AGBL1: variants seen among roughly 807,000 people sequenced by gnomAD.
AGBL1 encodes AGBL carboxypeptidase 1.
A neutral mutation model predicts 118.9 loss-of-function variants in AGBL1; 130 were observed. The observed-to-expected ratio is 1.09, with a 90% CI of 0.95 to 1.26. AGBL1 has a LOEUF of 1.26. Among genes scored for constraint, AGBL1 ranks in the 50% most tolerant of loss-of-function variants. The probability of loss-of-function intolerance (pLI) is 0.00; values close to 1 mark genes in which losing one functional copy is unlikely to be tolerated. For synonymous variants in AGBL1, 555 were observed against 478.9 expected (o/e 1.16, Z -2.08); for missense variants, 1,584 against 1,298.1 (o/e 1.22, Z -3.38).
chr15:86,824,721 G>T (rs906308712), intron 22 of AGBL1, among the ~76,000 whole-genome samples: 1 of 152,160 alleles, frequency 6.6e-6, no homozygotes, highest in African/African-American at 2.4e-5. Context: ...GCATGATATT[G>T]GCAGGGGAAT....
downstream of AGBL1, among the ~76,000 whole-genome samples, chr15:86,920,897 A>G (rs1238641622): frequency 6.6e-6 from 1 of 152,154 alleles, no homozygotes; most frequent in Non-Finnish European, 1.5e-5. Context: ...TGGTGTTTCC[A>G]AAACAAATTA....
intron 18 of AGBL1, among the ~76,000 whole-genome samples, chr15:86,415,871 A>G (rs1596086388): frequency 6.6e-6 from 1 of 152,144 alleles, no homozygotes; most frequent in Non-Finnish European, 1.5e-5. Context: ...GATTATTCAC[A>G]TTTATAGTTA....
intron 22 of AGBL1, among the ~76,000 whole-genome samples, chr15:86,781,486 G>T (rs1049050109): frequency 2.6e-5 from 4 of 152,134 alleles, no homozygotes; most frequent in Non-Finnish European, 5.9e-5. Context: ...CATGACAGGT[G>T]CTCAAAACCA....
At chr15:86,314,809 T>C (rs115428790) in intron 17 of AGBL1, among the ~76,000 whole-genome samples, 2,257 of 152,310 alleles carry the variant, frequency 0.015, 63 homozygotes, top group African/African-American at 0.05. Context: ...TCTTTTCTCG[T>C]TGTGAATTCC....
chr15:86,918,277 ATAGT>A (rs1384146797), downstream of AGBL1, among the ~76,000 whole-genome samples: 1 of 152,200 alleles, frequency 6.6e-6, no homozygotes, highest in Non-Finnish European at 1.5e-5. Flanking sequence ...AGTCTGGGAG[ATAGT>A]TAGCAGCTTG....
In AGBL1 at chr15:86,617,760, G is replaced by A. The variant is rs10083553; in HGVS notation, c.2995-56513G>A. 8.0e-3 allele frequency among the ~76,000 whole-genome samples: 1,181 copies of A among 146,904 alleles called. 11 individuals carry two copies. Among genetic ancestry groups the A allele is most frequent in the South Asian group, 0.029 (130 of 4,560 alleles). ...AATTCTGTGTGATTCAACTTTATGCGCACACACACACACACACACACACAC... is the reference window on the plus strand; with the variant it reads ...AATTCTGTGTGATTCAACTTTATGCACACACACACACACACACACACACAC... On this transcript the variant is annotated intron_variant, in intron 21 of 22. Coordinates refer to ENST00000614907, the MANE Select transcript of AGBL1 (RefSeq NM_001386094.1).
intron 3 of AGBL1, among the ~76,000 whole-genome samples, chr15:86,146,594 A>C (rs1054884437): frequency 1.3e-5 from 2 of 152,226 alleles, no homozygotes; most frequent in Non-Finnish European, 2.9e-5. Context: ...CAGGTTTTAT[A>C]GGAGAAAGAG....
chr15:86,809,077 T>G (rs1343266046), intron 22 of AGBL1, among the ~76,000 whole-genome samples: 1 of 152,138 alleles, frequency 6.6e-6, no homozygotes, highest in Non-Finnish European at 1.5e-5. Flanking sequence ...CTATGTACAT[T>G]GTTTCATTCA....
chr15:86,817,650 C>A lies in AGBL1; in HGVS notation c.3159-89437C>A, dbSNP rs66589208. ...ATACACACACACACACACACACAGA[C>A]ACACACACACACACACAGAAAGAGA... On this transcript the variant is annotated intron_variant, in intron 22 of 22. Coordinates refer to ENST00000614907, the MANE Select transcript of AGBL1 (RefSeq NM_001386094.1). Among the ~76,000 whole-genome samples the A allele has an allele frequency of 3.6e-5, 5 of 139,256 alleles. No homozygotes were observed. In the Admixed American group the frequency reaches 3.7e-4, roughly 10 times the overall value. The allele number at this position is 139,256 out of a possible 152,430, so 91.4% of individuals were successfully genotyped here.
chr15:86,306,950 C>T (rs1439881167), intron 17 of AGBL1, among the ~76,000 whole-genome samples: 1 of 152,066 alleles, frequency 6.6e-6, no homozygotes, highest in Non-Finnish European at 1.5e-5. Context: ...ACCTGTTTGC[C>T]ATTTGTATGT....
intron 22 of AGBL1, among the ~76,000 whole-genome samples, chr15:86,685,909 A>T (rs753068207): frequency 2.0e-5 from 3 of 152,156 alleles, no homozygotes; most frequent in Non-Finnish European, 4.4e-5. Flanking sequence ...TCTTTACCGA[A>T]GAGCTGACTT....
intron 21 of AGBL1, among the ~76,000 whole-genome samples, chr15:86,660,707 G>A (rs1473644255): frequency 1.3e-5 from 2 of 151,992 alleles, no homozygotes; most frequent in East Asian, 1.9e-4. Context: ...ATTTGGTCAG[G>A]CCTCATTTAC....
rs1182532627 is a variant in AGBL1 at position 86,264,331 on chromosome 15, C to G, written c.1160C>G (p.Ala387Gly). ...TQYANHHHIP[A>G]AASSKQHCYS... ...TATGCCAATCACCACCACATTCCAG[C>G]CGCTGCCTCCTCAAAACAGCATTGC... The change falls in exon 11 of 23, where the codon GCC becomes GGC. Residue 387 changes from alanine to glycine, a missense_variant. Transcript: ENST00000614907. 5 of 1,612,206 alleles carry G rather than the reference C, an allele frequency of 3.1e-6. No individual in the cohort carries two copies. Among genetic ancestry groups the G allele is most frequent in the Non-Finnish European group, 3.4e-6 (4 of 1,179,092 alleles).
At chr15:86,496,534 A>C (rs1218019566) in intron 18 of AGBL1, among the ~76,000 whole-genome samples, 1 of 152,036 alleles carries the variant, frequency 6.6e-6, no homozygotes, top group Non-Finnish European at 1.5e-5. Context: ...TATTGTGAGC[A>C]TTCCTGTATT....
rs1282229853 is a variant in AGBL1 at position 86,391,650 on chromosome 15, T to TG, written c.2375-5716_2375-5715insG. On this transcript the variant is annotated intron_variant, in intron 17 of 22. Transcript: ENST00000614907. ...ATAATGTTGTTGTTGGTTTTTTTTT[T>TG]TTTTTTTTTTTTTTTGTGGTGCTTC... Among the ~76,000 whole-genome samples the TG allele has an allele frequency of 2.3e-4, 33 of 141,340 alleles. No individual in the cohort carries two copies. The East Asian group carries it at 3.3e-3, about 14-fold the overall frequency. 92.7% of individuals were successfully genotyped at this position (141,340 alleles called of 152,430 possible). A position where few individuals can be genotyped will look rare whatever the true frequency, so the allele number is the denominator to read the frequency against.
intron 1 of AGBL1, among the ~76,000 whole-genome samples, chr15:86,089,797 A>G (rs1289267797): frequency 6.6e-6 from 1 of 152,252 alleles, no homozygotes; most frequent in African/African-American, 2.4e-5. Context: ...TAATGCAGAT[A>G]CCCTTTACTT....
intron 22 of AGBL1, among the ~76,000 whole-genome samples, chr15:86,810,214 A>G (rs2078769417): frequency 6.6e-6 from 1 of 152,168 alleles, no homozygotes; most frequent in African/African-American, 2.4e-5. Context: ...AGAGAGGGAA[A>G]GACAAGAACA....
At chr15:86,724,098 C>A (rs924983338) in intron 22 of AGBL1, among the ~76,000 whole-genome samples, 2 of 151,656 alleles carry the variant, frequency 1.3e-5, no homozygotes, top group East Asian at 1.9e-4. Context: ...TAGCCGGGTG[C>A]GGTGGCGGGC....
Position 86,841,628 on chromosome 15 carries a change from C to T in AGBL1, c.3159-65459C>T, listed in dbSNP as rs938188329. 9.2e-5 allele frequency among the ~76,000 whole-genome samples: 14 copies of T among 152,220 alleles called. No individual in the cohort carries two copies. In the East Asian group the frequency reaches 2.3e-3, roughly 25 times the overall value. ...TTGGAGGCCGAGGTGGGTGAATCAT[C>T]TGAGGTCGGGAGTTTGAGACCAGCC... is the stretch of plus-strand genomic sequence containing the variant. On this transcript the variant is annotated intron_variant, in intron 22 of 22. Coordinates refer to ENST00000614907, the MANE Select transcript of AGBL1 (RefSeq NM_001386094.1).
Sources: allele counts gnomAD v4.1 joint callset (sites outside exome capture counted in the v4.1 genomes callset), GRCh38; gene constraint gnomAD v4.1.1; transcripts MANE v1.5; gene names NCBI Gene and HGNC (gene_info 2026-07-23, HGNC 2026-07-21).